PLCG2: variants seen among roughly 807,000 people sequenced by gnomAD.
PLCG2 encodes 1-phosphatidylinositol 4,5-bisphosphate phosphodiesterase gamma-2.
In PLCG2, 69 loss-of-function variants were observed where a neutral mutation model predicts 175.6. The observed-to-expected ratio is 0.39, with a 90% CI of 0.32 to 0.48. The LOEUF (loss-of-function observed/expected upper bound fraction) is 0.48, where lower values mean the gene tolerates loss of function less well. PLCG2 is among the 20% of genes least tolerant of loss of function. The pLI is 0.91. For synonymous variants in PLCG2, 827 were observed against 624.0 expected (o/e 1.33, Z -4.85); for missense variants, 1,798 against 1,650.9 (o/e 1.09, Z -1.54).
In PLCG2 at chr16:81,919,517, C is replaced by A; in HGVS notation, c.2088C>A (p.Asn696Lys). The change falls in exon 20 of 33, where the codon AAC (asparagine) becomes AAA (lysine). Residue 696 changes from asparagine (N) to lysine (K), a missense_variant. Asn to Lys is a moderately conservative substitution (Grantham distance 94). Coordinates refer to ENST00000564138, the MANE Select transcript of PLCG2 (RefSeq NM_002661.5). Reference sequence around the variant, plus strand: ...GCAAGGTAAAGCATTGTCGCATCAACCGGGACGGCCGGCACTTTGTGCTGG... The same window carrying A: ...GCAAGGTAAAGCATTGTCGCATCAAACGGGACGGCCGGCACTTTGTGCTGG... ...ARGKVKHCRI[N>K]RDGRHFVLGT... 1.2e-6 allele frequency: 2 copies of A among 1,614,144 alleles called. No individual in the cohort carries two copies. Among genetic ancestry groups the A allele is most frequent in the Non-Finnish European group, 1.7e-6 (2 of 1,180,038 alleles).
chr16:81,873,412 T>G (rs1907614154), intron 7 of PLCG2, among the ~76,000 whole-genome samples: 1 of 152,216 alleles, frequency 6.6e-6, no homozygotes, highest in Non-Finnish European at 1.5e-5. Context: ...CAATGACGTG[T>G]GTCATTGAAC....
chr16:81,790,537 C>G (rs1204668163), intron 2 of PLCG2, among the ~76,000 whole-genome samples: 1 of 152,186 alleles, frequency 6.6e-6, no homozygotes, highest in Non-Finnish European at 1.5e-5. Context: ...AGAAGAACTC[C>G]CAGCTCTGGC....
chr16:81,948,034 T>C (rs1055898400), intron 31 of PLCG2, among the ~76,000 whole-genome samples: 5 of 151,722 alleles, frequency 3.3e-5, no homozygotes, highest in African/African-American at 1.2e-4. Context: ...GGGTCCCTAA[T>C]TCACTTATGC....
At chr16:81,888,473 C>A (rs1443908791) in intron 9 of PLCG2, among the ~76,000 whole-genome samples, 1 of 152,208 alleles carries the variant, frequency 6.6e-6, no homozygotes, top group Non-Finnish European at 1.5e-5. Flanking sequence ...GCAGTCCACC[C>A]GCCTCGGCCT....
chr16:81,896,761 C>T (rs1201998836), intron 13 of PLCG2, among the ~76,000 whole-genome samples: 1 of 152,178 alleles, frequency 6.6e-6, no homozygotes, highest in African/African-American at 2.4e-5. Flanking sequence ...CACCTGGGGC[C>T]AGGCTCTGTG....
chr16:81,853,164 C>G (rs1166691294), intron 2 of PLCG2, among the ~76,000 whole-genome samples: 1 of 152,114 alleles, frequency 6.6e-6, no homozygotes, highest in Non-Finnish European at 1.5e-5. Flanking sequence ...AACCCCATCT[C>G]TACTAAAAAT....
At chr16:81,740,748 A>C (rs926339193) in intron 1 of PLCG2, among the ~76,000 whole-genome samples, 7 of 142,032 alleles carry the variant, frequency 4.9e-5, no homozygotes, top group African/African-American at 1.5e-4. Context: ...AAAAAAAAAA[A>C]AAAAAAAAAA....
At chr16:81,934,363 T>C (rs748868160) in intron 25 of PLCG2, 66 bp from the exon 26 acceptor site, 1 of 968,090 alleles carries the variant, frequency 1.0e-6, no homozygotes, top group South Asian at 1.3e-5. Flanking sequence ...GGAGGAAAAA[T>C]GCAGGGCGAG....
chr16:81,770,854 C>A (rs142105916), intron 2 of PLCG2, among the ~76,000 whole-genome samples: 3 of 151,942 alleles, frequency 2.0e-5, no homozygotes, highest in Admixed American at 6.6e-5. Context: ...GTCAGGAGAT[C>A]GAGACCATCC....
At chr16:81,900,534 C>G in intron 13 of PLCG2, 78 bp from the exon 14 acceptor site, 8 of 1,336,004 alleles carry the variant, frequency 6.0e-6, no homozygotes, top group Non-Finnish European at 8.1e-6. Context: ...TCCCAGGGAG[C>G]TGCCCTGGCC....
chr16:81,954,071 G>A (rs969134321), intron 31 of PLCG2, among the ~76,000 whole-genome samples: 4 of 152,170 alleles, frequency 2.6e-5, no homozygotes, highest in Non-Finnish European at 4.4e-5. Context: ...TGCCCAGGCT[G>A]GAGTACAGTG....
At chr16:81,760,894 T>C (rs186707691) in intron 2 of PLCG2, among the ~76,000 whole-genome samples, 159 of 152,174 alleles carry the variant, frequency 1.0e-3, no homozygotes, top group African/African-American at 3.6e-3. Context: ...GTGAGATCCC[T>C]GGCTTAAAAT....
intron 2 of PLCG2, chr16:81,766,738 C>T (rs1225980351): frequency 1.3e-5 from 2 of 152,106 alleles, no homozygotes; most frequent in Non-Finnish European, 2.9e-5. Flanking sequence ...TAGAACATTC[C>T]CTGGAACACA....
At chr16:81,949,912 C>T (rs142608151) in intron 31 of PLCG2, among the ~76,000 whole-genome samples, 1 of 152,132 alleles carries the variant, frequency 6.6e-6, no homozygotes, top group Non-Finnish European at 1.5e-5. Context: ...ATAAACTATA[C>T]TGCAGAGGGA....
At chr16:81,790,663 G>T (rs1175175581) in intron 2 of PLCG2, among the ~76,000 whole-genome samples, 1 of 152,236 alleles carries the variant, frequency 6.6e-6, no homozygotes, top group African/African-American at 2.4e-5. Context: ...GGCAAATGGT[G>T]TGTGACTTTT....
chr16:81,927,306 C>G (rs1278615827), intron 23 of PLCG2, 128 bp downstream of exon 23: 5 of 673,126 alleles, frequency 7.4e-6, no homozygotes, highest in Non-Finnish European at 1.3e-5. Flanking sequence ...AGCTCTGGAT[C>G]AGGGAAGACA....
At chr16:81,814,484 G>A (rs1020312095) in intron 2 of PLCG2, among the ~76,000 whole-genome samples, 5 of 152,058 alleles carry the variant, frequency 3.3e-5, no homozygotes, top group African/African-American at 1.2e-4. Flanking sequence ...CATGAGGTCA[G>A]GAGTTCGAGA....
At chr16:81,919,053 T>C (rs941621619) in intron 19 of PLCG2, among the ~76,000 whole-genome samples, 8 of 152,240 alleles carry the variant, frequency 5.3e-5, no homozygotes, top group African/African-American at 1.9e-4. Flanking sequence ...CTGTTGCAGC[T>C]ACACAACTCT....
chr16:81,781,439 A>G (rs917648611), intron 1 of PLCG2, among the ~76,000 whole-genome samples: 18 of 150,474 alleles, frequency 1.2e-4, no homozygotes, highest in African/African-American at 3.7e-4. Flanking sequence ...TTGTATTTCT[A>G]TTGCAACTAT....
Sources: gnomAD v4.1 joint callset for allele counts (sites outside exome capture counted in the v4.1 genomes callset) on GRCh38, gnomAD v4.1.1 for gene constraint, MANE v1.5 for transcripts, NCBI Gene and HGNC (gene_info 2026-07-23, HGNC 2026-07-21) for gene names.